Variants in CENPI observed in about 807,000 individuals in gnomAD.
CENPI encodes the protein centromere protein I.
Under a neutral mutation model 60.4 loss-of-function variants are expected in CENPI, and 4 were observed. That is an observed-to-expected ratio of 0.07 (90% CI 0.03 to 0.15). The LOEUF is 0.15. Among genes scored for constraint, CENPI ranks in the 10% least tolerant of loss-of-function variants. The probability of loss-of-function intolerance (pLI) is 1.00; values close to 1 mark genes in which losing one functional copy is unlikely to be tolerated. For synonymous variants in CENPI, 157 were observed against 189.4 expected (o/e 0.83, Z 1.40); for missense variants, 444 against 534.5 (o/e 0.83, Z 1.67).
intron 6 of CENPI, among the ~76,000 whole-genome samples, chrX:101,113,649 C>G (rs2089583863): frequency 8.9e-6 from 1 of 112,069 alleles, no homozygotes; most frequent in African/African-American, 3.2e-5. Context: ...AGATTTCCCA[C>G]ATATCTCCCA....
At chrX:101,122,459 T>C (rs757851414) in intron 8 of CENPI, among the ~76,000 whole-genome samples, 1 of 112,353 alleles carries the variant, frequency 8.9e-6, no homozygotes, top group South Asian at 3.7e-4. Flanking sequence ...TCTGAAGATA[T>C]TAATGGTAAT....
intron 6 of CENPI, 63 bp downstream of exon 6, chrX:101,110,061 C>T (rs2089537080): frequency 3.3e-6 from 2 of 609,165 alleles, no homozygotes; most frequent in Non-Finnish European, 2.6e-6. Context: ...TATTGATGCA[C>T]CATATATGCT....
intron 6 of CENPI, among the ~76,000 whole-genome samples, chrX:101,114,023 G>A (rs1298356984): frequency 8.0e-5 from 9 of 111,859 alleles, no homozygotes; most frequent in Non-Finnish European, 1.3e-4. Context: ...TCGGGAGGCC[G>A]AGGGGGGCAG....
rs1329674623 is a variant in CENPI at position 101,163,283 on chromosome X, A to C, written c.*316A>C. 5.1e-6 allele frequency: 1 copy of C among 197,499 alleles called. No homozygotes were observed. The highest frequency in any genetic ancestry group is 3.1e-5 in the African/African-American group (1 of 32,397). 16.3% of individuals were successfully genotyped at this position (197,499 alleles called of 1,213,427 possible). A position where few individuals can be genotyped will look rare whatever the true frequency, so the allele number is the denominator to read the frequency against. On this transcript the variant is annotated 3_prime_UTR_variant, in exon 22 of 22. Coordinates refer to ENST00000682095, the MANE Select transcript of CENPI (RefSeq NM_001386188.2). ...CACATTTTTGGGTACTATGAGCTGC[A>C]TTGATGGAAGACAGCAGGCAATATG...
intron 2 of CENPI, among the ~76,000 whole-genome samples, chrX:101,099,376 C>T (rs772635562): frequency 1.9e-4 from 20 of 105,914 alleles, no homozygotes; most frequent in African/African-American, 5.9e-4. Context: ...TGTGGTGAGC[C>T]GAGATAGAGA....
At chrX:101,150,224 T>C (rs2148241227) in intron 20 of CENPI, among the ~76,000 whole-genome samples, 1 of 106,343 alleles carries the variant, frequency 9.4e-6, no homozygotes, top group East Asian at 2.9e-4. Context: ...ATGAGGCTAC[T>C]AGATGAAATT....
chrX:101,146,713 C>T (rs1256988778), intron 18 of CENPI, among the ~76,000 whole-genome samples: 1 of 111,600 alleles, frequency 9.0e-6, no homozygotes. Flanking sequence ...CACTTGTGGA[C>T]TGAAATTACT....
chrX:101,126,295 T>C (rs754933882), intron 8 of CENPI, among the ~76,000 whole-genome samples: 2 of 112,157 alleles, frequency 1.8e-5, no homozygotes, highest in South Asian at 7.4e-4. Flanking sequence ...TAGATAATTT[T>C]CCAAGAATTA....
At chrX:101,143,660 A>G (rs2089936419) in intron 16 of CENPI, among the ~76,000 whole-genome samples, 1 of 112,121 alleles carries the variant, frequency 8.9e-6, no homozygotes, top group Non-Finnish European at 1.9e-5. Flanking sequence ...CCTCCCAAGT[A>G]ACGGATTACA....
In CENPI at chrX:101,120,404, C is replaced by T. The variant is rs1228260306; in HGVS notation, c.594C>T (p.Cys198=). ...AATATTTTTTTATGTTTTAACAGTG[C>T]CCTTATGTTTGCCATTTGTTATATT... The part of the protein sequence containing the change: ...FFASLQDDAL[C]PYVCHLLYLL... The change falls in exon 7 of 22, where the codon TGC becomes TGT. Residue 198 remains cysteine, a splice_region_variant and synonymous_variant. Transcript: ENST00000682095. 1.1e-6 allele frequency: 1 copy of T among 927,700 alleles called. No homozygotes were observed. The highest frequency in any genetic ancestry group is 1.6e-6 in the Non-Finnish European group (1 of 641,945). The allele number at this position is 927,700 out of a possible 1,213,427, so 76.5% of individuals were successfully genotyped here. A position where few individuals can be genotyped will look rare whatever the true frequency, so the allele number is the denominator to read the frequency against.
chrX:101,137,797 T>A (rs778641449), intron 15 of CENPI, among the ~76,000 whole-genome samples: 1 of 102,957 alleles, frequency 9.7e-6, no homozygotes, highest in East Asian at 3.2e-4. Context: ...GAGGTAGATA[T>A]AGGGCAGTAT....
In CENPI at chrX:101,101,240, C is replaced by T; in HGVS notation, c.170C>T (p.Ala57Val). Residue 57 changes from alanine (A) to valine (V), a missense_variant, in exon 3 of 22, where the codon GCT becomes GTT. Transcript: ENST00000682095. ...AATCCAGTGGGAGATTATGAACATG[C>T]TGATGATCAAGCTGAAGAAGATGCT... is the stretch of plus-strand genomic sequence containing the variant. ...QNNPVGDYEH[A>V]DDQAEEDALQ... 8.3e-7 allele frequency: 1 copy of T among 1,209,556 alleles called. No homozygotes were observed.
chrX:101,162,570 TC>T (rs1333221759), intron 21 of CENPI, among the ~76,000 whole-genome samples: 1 of 108,149 alleles, frequency 9.2e-6, no homozygotes, highest in Non-Finnish European at 1.9e-5. Context: ...CTATGTTATC[TC>T]CTAGAGTGTG....
intron 4 of CENPI, among the ~76,000 whole-genome samples, chrX:101,108,779 G>C (rs1470704601): frequency 9.2e-6 from 1 of 108,766 alleles, no homozygotes; most frequent in Admixed American, 1.0e-4. Flanking sequence ...CCGAGTTGCT[G>C]TGACTACAGG....
At position 101,146,222 on chromosome X, in the gene CENPI, G is replaced by T. The variant is rs943970039; in HGVS notation, c.1771G>T (p.Ala591Ser). The change falls in exon 18 of 22, where the codon GCA becomes TCA. Residue 591 changes from alanine (A) to serine (S), a missense_variant. Coordinates refer to ENST00000682095, the MANE Select transcript of CENPI (RefSeq NM_001386188.2). Reference sequence around the variant, plus strand: ...GTTTCCTCCTGGGATCTTCTATTCTGCACTCCTCAGCCTGGATACCAGCAT... The same window carrying T: ...GTTTCCTCCTGGGATCTTCTATTCTTCACTCCTCAGCCTGGATACCAGCAT... The part of the protein sequence containing the change: ...VLFPPGIFYS[A>S]LLSLDTSILN... 4 of 1,204,125 alleles carry T rather than the reference G, an allele frequency of 3.3e-6. No homozygotes were observed. The highest frequency in any genetic ancestry group is 4.5e-6 in the Non-Finnish European group (4 of 890,644).
intron 15 of CENPI, among the ~76,000 whole-genome samples, chrX:101,137,785 CAG>C (rs982352811): frequency 1.2e-4 from 12 of 103,435 alleles, no homozygotes; most frequent in Admixed American, 2.2e-4. Context: ...CTTCAAGAAA[CAG>C]AGGTAGATAT....
intron 20 of CENPI, among the ~76,000 whole-genome samples, chrX:101,155,040 T>G (rs999360840): frequency 9.0e-6 from 1 of 111,597 alleles, no homozygotes; most frequent in African/African-American, 3.3e-5. Flanking sequence ...CTTTTAAATT[T>G]GAATGCCTTT....
chrX:101,173,632 T>C, the CENPI span, among the ~76,000 whole-genome samples: 8 of 110,755 alleles, frequency 7.2e-5, no homozygotes, highest in Non-Finnish European at 1.3e-4. Context: ...AACGAATCCA[T>C]AGAAATACAA....
chrX:101,161,593 G>A, intron 21 of CENPI, 24 bp downstream of exon 21: 2 of 1,167,217 alleles, frequency 1.7e-6, no homozygotes, highest in Non-Finnish European at 2.3e-6. Flanking sequence ...CTTTCATCGT[G>A]TTGAGGGATT....
Sources: allele counts gnomAD v4.1 joint callset (sites outside exome capture counted in the v4.1 genomes callset), GRCh38; gene constraint gnomAD v4.1.1; transcripts MANE v1.5; gene names NCBI Gene and HGNC (gene_info 2026-07-23, HGNC 2026-07-21).